MS4A4E: variants seen among roughly 807,000 people sequenced by gnomAD.
The protein encoded by MS4A4E is membrane spanning 4-domains A4E.
A neutral mutation model predicts 13.3 loss-of-function variants in MS4A4E; 23 were observed. The observed-to-expected ratio is 1.73, with a 90% CI of 1.25 to 2.45. The LOEUF (loss-of-function observed/expected upper bound fraction) is 2.45. MS4A4E is among the 30% of genes most tolerant of loss of function. The pLI is 0.00. For synonymous variants in MS4A4E, 36 were observed against 45.6 expected (o/e 0.79, Z 0.85); for missense variants, 144 against 131.2 (o/e 1.10, Z -0.48).
At chr11:60,221,540 C>T (rs2084270279) in intron 3 of MS4A4E, among the ~76,000 whole-genome samples, 1 of 152,236 alleles carries the variant, frequency 6.6e-6, no homozygotes, top group Non-Finnish European at 1.5e-5. Flanking sequence ...AGCTGCAGCA[C>T]TACAGCCCCT....
At chr11:60,241,300 A>T (rs755298249) in intron 1 of MS4A4E, among the ~76,000 whole-genome samples, 11 of 152,250 alleles carry the variant, frequency 7.2e-5, no homozygotes, top group Non-Finnish European at 1.6e-4. Context: ...CTGGAATTAC[A>T]GGCGTGAGCC....
intron 6 of MS4A4E, among the ~76,000 whole-genome samples, chr11:60,206,483 A>ATG (rs1554983258): frequency 3.5e-4 from 2 of 5,768 alleles, no homozygotes; most frequent in East Asian, 6.5e-3. Flanking sequence ...ACATATATAT[A>ATG]TATATGTATA....
intron 1 of MS4A4E, among the ~76,000 whole-genome samples, chr11:60,233,353 C>T (rs572353785): frequency 5.3e-5 from 8 of 152,318 alleles, no homozygotes; most frequent in African/African-American, 1.9e-4. Context: ...TCCAAAGCAC[C>T]CCTCTTTCCC....
chr11:60,220,784 C>T (rs1276130283), intron 3 of MS4A4E, among the ~76,000 whole-genome samples: 3 of 152,202 alleles, frequency 2.0e-5, no homozygotes, highest in Non-Finnish European at 4.4e-5. Flanking sequence ...CCACCCCCTA[C>T]AACCAAGAAA....
chr11:60,207,959 T>C (rs988198619), intron 6 of MS4A4E, among the ~76,000 whole-genome samples: 1 of 152,188 alleles, frequency 6.6e-6, no homozygotes, highest in Non-Finnish European at 1.5e-5. Flanking sequence ...AATAGGATAA[T>C]AGAATAAAAC....
Position 60,214,608 on chromosome 11 carries a change from A to C in MS4A4E, c.185T>G (p.Leu62Ter). 1 of 1,526,306 alleles carries C rather than the reference A, an allele frequency of 6.6e-7. No homozygotes were observed. The highest frequency in any genetic ancestry group is 2.0e-5 in the Admixed American group (1 of 49,374). The allele number at this position is 1,526,306 out of a possible 1,614,324, so 94.5% of individuals were successfully genotyped here. The part of the protein sequence containing the change: ...GHKFSTHSVS[L>*]SVAAGIRTTK... ...TGTTCTAATTCCTGCTGCAACTGAT[A>C]AGGATACTGAAATAATAAAATAAGA... Residue 62 changes from leucine (L) to a stop codon, truncating the protein, a stop_gained, in exon 4 of 9, where the codon TTA becomes TGA. Coordinates refer to ENST00000651255, the MANE Select transcript of MS4A4E (RefSeq NM_001393391.1). LOFTEE classifies it high-confidence loss of function.
intron 3 of MS4A4E, among the ~76,000 whole-genome samples, chr11:60,222,323 A>C (rs1265878782): frequency 6.6e-6 from 1 of 152,142 alleles, no homozygotes; most frequent in Non-Finnish European, 1.5e-5. Flanking sequence ...TGACCAAGGC[A>C]CTCACTTGTT....
chr11:60,217,975 CAG>C (rs1365015127), intron 3 of MS4A4E, among the ~76,000 whole-genome samples: 1 of 152,204 alleles, frequency 6.6e-6, no homozygotes, highest in Non-Finnish European at 1.5e-5. Flanking sequence ...CCGGGCAGAA[CAG>C]AGCCATATTT....
intron 3 of MS4A4E, among the ~76,000 whole-genome samples, chr11:60,221,122 AC>A: frequency 6.6e-6 from 1 of 152,114 alleles, no homozygotes. Context: ...GCAGATAACT[AC>A]TTTCCTTTTT....
chr11:60,232,563 A>G (rs1049533853), intron 1 of MS4A4E, among the ~76,000 whole-genome samples: 9 of 152,106 alleles, frequency 5.9e-5, no homozygotes, highest in Admixed American at 2.0e-4. Context: ...CATCACCACC[A>G]TAGACACCTG....
chr11:60,213,366 A>T lies in MS4A4E; in HGVS notation c.223-234T>A, dbSNP rs200223108. The T allele has an allele frequency of 4.6e-4, 673 of 1,454,500 alleles. 2 individuals are homozygous for T. Among genetic ancestry groups the T allele is most frequent in the Non-Finnish European group, 6.0e-4 (641 of 1,075,134 alleles). 90.1% of individuals were successfully genotyped at this position (1,454,500 alleles called of 1,614,324 possible). ...AGATGAGATAATCTCCAAATCATTTATCAGGGTTTTCAATGATTTTTTACA... is the reference window on the plus strand; with the variant it reads ...AGATGAGATAATCTCCAAATCATTTTTCAGGGTTTTCAATGATTTTTTACA... On this transcript the variant is annotated intron_variant, in intron 4 of 8. Transcript: ENST00000651255.
At chr11:60,210,509 G>A (rs1172723959) in intron 5 of MS4A4E, among the ~76,000 whole-genome samples, 1 of 152,218 alleles carries the variant, frequency 6.6e-6, no homozygotes, top group Non-Finnish European at 1.5e-5. Context: ...GTTAAGTATA[G>A]TTGATCATTG....
rs1192000573 is a variant in MS4A4E, at chr11:60,220,718, G to T, written c.179-6104C>A. ...GTAAAATTTCTAGGGGTTCAGTGGTGTGGGGCCTGTCAAGATGTTCCTTCT... is the reference window on the plus strand; with the variant it reads ...GTAAAATTTCTAGGGGTTCAGTGGTTTGGGGCCTGTCAAGATGTTCCTTCT... On this transcript the variant is annotated intron_variant, in intron 3 of 8. Coordinates refer to ENST00000651255, the MANE Select transcript of MS4A4E (RefSeq NM_001393391.1). Among the ~76,000 whole-genome samples, 3 of 152,202 alleles carry T rather than the reference G, an allele frequency of 2.0e-5. No homozygotes were observed. In the East Asian group the frequency reaches 5.8e-4, roughly 29 times the overall value.
chr11:60,233,697 A>G (rs978039176), intron 1 of MS4A4E, among the ~76,000 whole-genome samples: 1 of 152,206 alleles, frequency 6.6e-6, no homozygotes, highest in Non-Finnish European at 1.5e-5. Flanking sequence ...ATCAAAGAAT[A>G]TCACATATAG....
At chr11:60,216,385 T>C (rs2084193448) in intron 3 of MS4A4E, among the ~76,000 whole-genome samples, 2 of 151,974 alleles carry the variant, frequency 1.3e-5, no homozygotes, top group Admixed American at 6.6e-5. Flanking sequence ...GATAATGGAG[T>C]GACCCTATTT....
intron 5 of MS4A4E, 32 bp downstream of exon 5, chr11:60,212,942 G>T: frequency 4.5e-6 from 1 of 224,594 alleles, no homozygotes; most frequent in Non-Finnish European, 8.7e-6. Context: ...TTGCTTCTAT[G>T]ATAATATCTC....
chr11:60,241,353 C>T lies in MS4A4E; in HGVS notation c.-17+1605G>A, dbSNP rs993351299. ...CTTTAATGTAAGGGAAACTCGGCCTCAATCTCTCACGCACACCTTCAGACT... is the reference window on the plus strand; with the variant it reads ...CTTTAATGTAAGGGAAACTCGGCCTTAATCTCTCACGCACACCTTCAGACT... On this transcript the variant is annotated intron_variant, in intron 1 of 8. Coordinates refer to ENST00000651255, the MANE Select transcript of MS4A4E (RefSeq NM_001393391.1). Among the ~76,000 whole-genome samples, 33 of 152,304 alleles carry T rather than the reference C, an allele frequency of 2.2e-4. 1 individual carries two copies. The highest frequency in any genetic ancestry group is 7.9e-4 in the African/African-American group (33 of 41,574).
chr11:60,219,839 C>A (rs1340169784), intron 3 of MS4A4E, among the ~76,000 whole-genome samples: 3 of 152,176 alleles, frequency 2.0e-5, no homozygotes, highest in Non-Finnish European at 4.4e-5. Context: ...TCATTGTGAT[C>A]CTCCAGTTAT....
intron 5 of MS4A4E, among the ~76,000 whole-genome samples, 36 bp downstream of exon 5, chr11:60,212,938 C>A (rs2084142882): frequency 6.6e-6 from 1 of 152,130 alleles, no homozygotes; most frequent in Non-Finnish European, 1.5e-5. Context: ...AAACTTGCTT[C>A]TATGATAATA....
Sources: gnomAD v4.1 joint callset for allele counts (sites outside exome capture counted in the v4.1 genomes callset) on GRCh38, gnomAD v4.1.1 for gene constraint, MANE v1.5 for transcripts, NCBI Gene and HGNC (gene_info 2026-07-23, HGNC 2026-07-21) for gene names.